Variants in AP3B1 observed in about 807,000 individuals in gnomAD.
AP3B1 encodes the protein adaptor related protein complex 3 subunit beta 1, also known as AP-3 complex subunit beta-1.
A neutral mutation model predicts 132.5 loss-of-function variants in AP3B1; 61 were observed. That is an observed-to-expected ratio of 0.46 (90% CI 0.37 to 0.57). The LOEUF (loss-of-function observed/expected upper bound fraction) is 0.57. Ranked by LOEUF, AP3B1 falls within the 20% of genes least tolerant of loss-of-function variation. The pLI is 0.00. For synonymous variants in AP3B1, 388 were observed against 438.3 expected (o/e 0.89, Z 1.43); for missense variants, 1,120 against 1,289.4 (o/e 0.87, Z 2.01).
intron 22 of AP3B1, among the ~76,000 whole-genome samples, chr5:78,039,792 A>G (rs1156299322): frequency 6.9e-6 from 1 of 144,404 alleles, no homozygotes; most frequent in East Asian, 2.0e-4. Context: ...AAAAAAAAAA[A>G]GAAAAGAAAA....
intron 15 of AP3B1, among the ~76,000 whole-genome samples, chr5:78,135,498 G>A (rs1480925994): frequency 6.6e-6 from 1 of 151,970 alleles, no homozygotes. Context: ...AGAAACGAAC[G>A]TGTGAACAGA....
At chr5:78,215,067 TGTC>T (rs1745901230) in intron 7 of AP3B1, among the ~76,000 whole-genome samples, 1 of 152,150 alleles carries the variant, frequency 6.6e-6, no homozygotes, top group African/African-American at 2.4e-5. Context: ...AAGCTTGATG[TGTC>T]ATTTAAAGCA....
chr5:78,155,669 T>A (rs1217812822), intron 14 of AP3B1, among the ~76,000 whole-genome samples: 6 of 151,540 alleles, frequency 4.0e-5, no homozygotes, highest in Non-Finnish European at 8.8e-5. Flanking sequence ...GGCAAATCCA[T>A]AAAGATAAAA....
chr5:78,008,499 ACTGATG>A (rs913612210), intron 26 of AP3B1, among the ~76,000 whole-genome samples: 1 of 152,180 alleles, frequency 6.6e-6, no homozygotes, highest in Non-Finnish European at 1.5e-5. Context: ...TTGTCAATGA[ACTGATG>A]CTCAGGGCCT....
At chr5:78,282,349 C>T (rs190721823) in intron 1 of AP3B1, among the ~76,000 whole-genome samples, 56 of 150,466 alleles carry the variant, frequency 3.7e-4, no homozygotes, top group African/African-American at 1.3e-3. Context: ...GCTTCAAAGC[C>T]ATAGGATACA....
intron 17 of AP3B1, among the ~76,000 whole-genome samples, chr5:78,123,303 T>C (rs1351258023): frequency 9.9e-5 from 15 of 152,154 alleles, no homozygotes; most frequent in Admixed American, 9.2e-4. Flanking sequence ...ACTTCATGTC[T>C]AAAACACCAA....
At chr5:78,163,615 G>GTATATATAGTA (rs1743482851) in intron 12 of AP3B1, among the ~76,000 whole-genome samples, 1 of 143,808 alleles carries the variant, frequency 7.0e-6, no homozygotes, top group African/African-American at 2.6e-5. Context: ...GTGTGTGTGT[G>GTATATATAGTA]TATATATAGT....
At chr5:78,006,425 C>G (rs1380745162) in intron 26 of AP3B1, among the ~76,000 whole-genome samples, 2 of 152,292 alleles carry the variant, frequency 1.3e-5, no homozygotes, top group African/African-American at 4.8e-5. Flanking sequence ...GTCCTCTCTT[C>G]AAAAATTGTT....
chr5:78,211,860 T>C (rs547591577), intron 7 of AP3B1, among the ~76,000 whole-genome samples: 1 of 152,254 alleles, frequency 6.6e-6, no homozygotes, highest in Admixed American at 6.5e-5. Context: ...TCTGTTTATA[T>C]TTCTGCTCCA....
Position 78,141,315 on chromosome 5 carries a change from G to A in AP3B1, c.1478C>T (p.Pro493Leu). ...MAKLLDSITV[P>L]VARASILWLI... ...CCAAAGAATACTTGCTCTAGCAACA[G>A]GAACCTAATATGAGAAGCAGATTAC... Residue 493 changes from proline to leucine, a missense_variant, in exon 15 of 27, where the codon CCT (proline) becomes CTT (leucine). By Grantham distance (98) the Pro-to-Leu change is moderately conservative (BLOSUM62 -3). Around this residue, in one of 3 missense-constraint regions of AP3B1, gnomAD observed 906 missense variants for 997.1 expected, o/e 0.91. Transcript: ENST00000255194. 2 of 1,612,736 alleles carry A rather than the reference G, an allele frequency of 1.2e-6. No individual in the cohort carries two copies. Among genetic ancestry groups the A allele is most frequent in the Non-Finnish European group, 8.5e-7 (1 of 1,179,110 alleles).
At chr5:78,168,734 G>A (rs1024699606) in intron 11 of AP3B1, among the ~76,000 whole-genome samples, 3 of 152,096 alleles carry the variant, frequency 2.0e-5, no homozygotes, top group East Asian at 1.9e-4. Flanking sequence ...TTAAACTGAT[G>A]CATTACTTTC....
chr5:78,208,135 A>G (rs2112463751), intron 7 of AP3B1, among the ~76,000 whole-genome samples: 1 of 152,248 alleles, frequency 6.6e-6, no homozygotes, highest in Admixed American at 6.5e-5. Flanking sequence ...AAGAAATAGG[A>G]TTCAACACAG....
chr5:78,115,200 G>T (rs1751771971), intron 18 of AP3B1, among the ~76,000 whole-genome samples: 1 of 152,092 alleles, frequency 6.6e-6, no homozygotes, highest in Non-Finnish European at 1.5e-5. Flanking sequence ...AACAATGAAA[G>T]AAATTACAGG....
chr5:78,106,852 A>G (rs949146507), intron 20 of AP3B1, among the ~76,000 whole-genome samples: 6 of 152,210 alleles, frequency 3.9e-5, no homozygotes, highest in Non-Finnish European at 8.8e-5. Context: ...ATGGTAGAGC[A>G]TGTCTTTTGA....
intron 22 of AP3B1, among the ~76,000 whole-genome samples, chr5:78,084,419 G>C (rs1750142455): frequency 6.6e-6 from 1 of 150,636 alleles, no homozygotes; most frequent in African/African-American, 2.4e-5. Context: ...AGCTACTCAG[G>C]AGGCTGAGGT....
rs142188425 is a variant in AP3B1, at chr5:78,083,519, T to C, written c.2577+5874A>G. Among the ~76,000 whole-genome samples, 186 of 152,336 alleles carry C rather than the reference T, an allele frequency of 1.2e-3. 1 individual carries two copies. The highest frequency in any genetic ancestry group is 4.0e-3 in the African/African-American group (168 of 41,564). ...CATACATTTTAAGGATTGATGTTTA[T>C]GTGTTTGCAGGTCTTGATTTAAACT... On this transcript the variant is annotated intron_variant, in intron 22 of 26. Coordinates refer to ENST00000255194, the MANE Select transcript of AP3B1 (RefSeq NM_003664.5).
At chr5:78,078,771 T>C (rs1749866248) in intron 22 of AP3B1, among the ~76,000 whole-genome samples, 1 of 152,262 alleles carries the variant, frequency 6.6e-6, no homozygotes, top group African/African-American at 2.4e-5. Context: ...TATGTTTTAT[T>C]AACCTGTTAT....
chr5:78,060,479 A>G (rs1748998843), intron 22 of AP3B1, among the ~76,000 whole-genome samples: 1 of 152,230 alleles, frequency 6.6e-6, no homozygotes, highest in Non-Finnish European at 1.5e-5. Context: ...AGGCATGCAC[A>G]TTATAATTCA....
At chr5:78,133,092 C>T (rs917544453) in intron 15 of AP3B1, among the ~76,000 whole-genome samples, 2 of 152,110 alleles carry the variant, frequency 1.3e-5, no homozygotes, top group African/African-American at 4.8e-5. Flanking sequence ...CCTTTAATTC[C>T]ACCCACTGGC....
Sources: gnomAD v4.1 joint callset for allele counts (sites outside exome capture counted in the v4.1 genomes callset) on GRCh38, gnomAD v4.1.1 for gene constraint, gnomAD v4.1.1 regional missense constraint, MANE v1.5 for transcripts, NCBI Gene and HGNC (gene_info 2026-07-23, HGNC 2026-07-21) for gene names.